PPARD: variants seen among roughly 807,000 people sequenced by gnomAD.
PPARD encodes the protein peroxisome proliferator-activated receptor delta.
Under a neutral mutation model 39.5 loss-of-function variants are expected in PPARD, and 6 were observed. The observed-to-expected ratio is 0.15, with a 90% CI of 0.08 to 0.30. PPARD has a LOEUF of 0.30. Ranked by LOEUF, PPARD falls within the 10% of genes least tolerant of loss-of-function variation. The pLI is 1.00. For synonymous variants in PPARD, 210 were observed against 231.3 expected (o/e 0.91, Z 0.83); for missense variants, 397 against 596.8 (o/e 0.67, Z 3.49).
At chr6:35,360,929 TG>T (rs1461662085) in intron 2 of PPARD, among the ~76,000 whole-genome samples, 8 of 135,978 alleles carry the variant, frequency 5.9e-5, no homozygotes, top group African/African-American at 3.0e-4. Context: ...CTCTGGGAAC[TG>T]TGCCCATCTG....
At position 35,401,307 on chromosome 6, in the gene PPARD, A is replaced by G. The variant is rs9470015; in HGVS notation, c.-101-9680A>G. ...TTCCCCTCCTGCCGACTCCCTTGCC[A>G]GGTTTGCTGTAACTATTGCTCCTCC... On this transcript the variant is annotated intron_variant, in intron 2 of 7. Transcript: ENST00000360694. The surrounding 1 kb of genome is among the most constrained non-coding windows in gnomAD (Gnocchi z 4.1). Among the ~76,000 whole-genome samples, 129,495 of 152,076 alleles carry G rather than the reference A, an allele frequency of 0.85. 55,276 individuals carry two copies. The highest frequency in any genetic ancestry group is 0.89 in the African/African-American group (36,990 of 41,472).
intron 2 of PPARD, among the ~76,000 whole-genome samples, chr6:35,398,469 G>A (rs1163427371): frequency 6.6e-6 from 1 of 152,230 alleles, no homozygotes; most frequent in Non-Finnish European, 1.5e-5. Context: ...TTAGGCTTGT[G>A]CTGCCATTGG....
At chr6:35,397,519 G>A in intron 2 of PPARD, 3 of 985,200 alleles carry the variant, frequency 3.0e-6, no homozygotes, top group Non-Finnish European at 1.2e-6. Context: ...GTCTGGAGTG[G>A]TCTGGAAAGC....
chr6:35,417,190 G>A (rs1765827829), intron 3 of PPARD, among the ~76,000 whole-genome samples: 1 of 151,858 alleles, frequency 6.6e-6, no homozygotes, highest in Admixed American at 6.6e-5. Context: ...TAGAGATAGA[G>A]ACAGGGTCTC....
chr6:35,392,325 G>A (rs1764058459), intron 2 of PPARD, among the ~76,000 whole-genome samples: 1 of 152,222 alleles, frequency 6.6e-6, no homozygotes, highest in East Asian at 1.9e-4. Flanking sequence ...TGTCCTGCAA[G>A]CTGGGAGGCG....
rs529863580 is a variant in PPARD, at chr6:35,425,770, G to A, written c.1079-62G>A. Reference sequence around the variant, plus strand: ...TCCCCTGGGCCAAGTCACCTCTTGGGGTGGAAGTAGGGGAGCTCCACTGCC... The same window carrying A: ...TCCCCTGGGCCAAGTCACCTCTTGGAGTGGAAGTAGGGGAGCTCCACTGCC... On this transcript the variant is annotated intron_variant, in intron 7 of 7. Transcript: ENST00000360694. This position sits in a 1 kb window ranked among gnomAD's most constrained non-coding sequence, Gnocchi z 4.5. 3.0e-5 allele frequency: 48 copies of A among 1,587,518 alleles called. 1 individual carries two copies. The South Asian group carries it at 5.2e-4, about 17-fold the overall frequency.
intron 1 of PPARD, among the ~76,000 whole-genome samples, chr6:35,343,533 G>A (rs1233602048): frequency 6.6e-6 from 1 of 152,196 alleles, no homozygotes; most frequent in Non-Finnish European, 1.5e-5. Context: ...TAACCATGGG[G>A]TGGGGGTGGA....
At chr6:35,367,869 C>T (rs1389513068) in intron 2 of PPARD, among the ~76,000 whole-genome samples, 1 of 152,230 alleles carries the variant, frequency 6.6e-6, no homozygotes, top group Non-Finnish European at 1.5e-5. Context: ...TTCTATTGGT[C>T]AGAGCTGTCA....
chr6:35,370,537 T>C (rs1468849746), intron 2 of PPARD, among the ~76,000 whole-genome samples: 2 of 152,228 alleles, frequency 1.3e-5, no homozygotes, highest in Non-Finnish European at 2.9e-5. Context: ...TGCCCCCATC[T>C]GAGGGTGGTG....
At chr6:35,417,687 A>G (rs915675317) in intron 3 of PPARD, among the ~76,000 whole-genome samples, 7 of 152,006 alleles carry the variant, frequency 4.6e-5, no homozygotes, top group Admixed American at 2.6e-4. Flanking sequence ...ATGTGCCACC[A>G]CGCCCAGCTA....
At chr6:35,397,337 C>A (rs913071946) in intron 2 of PPARD, among the ~76,000 whole-genome samples, 3 of 152,116 alleles carry the variant, frequency 2.0e-5, no homozygotes, top group Admixed American at 6.5e-5. Flanking sequence ...GAAGCCCCCC[C>A]TCCCGCAACC....
chr6:35,424,225 C>G lies in PPARD; in HGVS notation c.627+77C>G. 6.3e-7 allele frequency: 1 copy of G among 1,588,500 alleles called. No homozygotes were observed. The highest frequency in any genetic ancestry group is 1.1e-5 in the South Asian group (1 of 88,656). ...TGCCGCCTGCCTGACTCCGGGAGAG[C>G]CAGGCCTTCTCCCTCCCTCAACTTC... On this transcript the variant is annotated intron_variant, in intron 6 of 7. Transcript: ENST00000360694. This position sits in a 1 kb window ranked among gnomAD's most constrained non-coding sequence, Gnocchi z 7.1.
intron 2 of PPARD, among the ~76,000 whole-genome samples, chr6:35,402,705 A>G (rs1764783317): frequency 6.6e-6 from 1 of 152,314 alleles, no homozygotes; most frequent in Middle Eastern, 3.4e-3. Context: ...CTGGCCAGCT[A>G]GAAGGCCACC....
At chr6:35,354,643 A>G (rs1761465221) in intron 2 of PPARD, among the ~76,000 whole-genome samples, 1 of 152,136 alleles carries the variant, frequency 6.6e-6, no homozygotes, top group African/African-American at 2.4e-5. Flanking sequence ...ACAGTATTCA[A>G]TTACATGAGA....
intron 2 of PPARD, among the ~76,000 whole-genome samples, chr6:35,371,201 C>T (rs958597730): frequency 5.9e-5 from 9 of 152,172 alleles, no homozygotes; most frequent in African/African-American, 2.2e-4. Context: ...GGGAATGATG[C>T]AGAAGAAAGA....
rs146615729 is a variant in PPARD, at chr6:35,373,540, C to T, written c.-102+26390C>T. On this transcript the variant is annotated intron_variant, in intron 2 of 7. Transcript: ENST00000360694. ...GTAACATGATTGTACCCCTAAACTGCACAGAGGAGCTTTCTGTTCTTTGAA... is the reference window on the plus strand; with the variant it reads ...GTAACATGATTGTACCCCTAAACTGTACAGAGGAGCTTTCTGTTCTTTGAA... Among the ~76,000 whole-genome samples, 411 of 152,296 alleles carry T rather than the reference C, an allele frequency of 2.7e-3. 2 individuals carry two copies. The highest frequency in any genetic ancestry group is 9.4e-3 in the African/African-American group (391 of 41,552).
intron 4 of PPARD, among the ~76,000 whole-genome samples, chr6:35,421,252 T>C (rs1244408412): frequency 6.6e-6 from 1 of 151,328 alleles, no homozygotes; most frequent in African/African-American, 2.4e-5. Flanking sequence ...CGTGAGCCAC[T>C]GTGTCCAGCC....
intron 2 of PPARD, among the ~76,000 whole-genome samples, chr6:35,386,214 C>G (rs1212165870): frequency 6.6e-6 from 1 of 151,676 alleles, no homozygotes; most frequent in Non-Finnish European, 1.5e-5. Flanking sequence ...GGTGGTGGTT[C>G]TAATGCTTTG....
chr6:35,347,136 A>G lies in PPARD; in HGVS notation c.-116A>G. 1 of 1,536,158 alleles carries G rather than the reference A, an allele frequency of 6.5e-7. No individual in the cohort carries two copies. Among genetic ancestry groups the G allele is most frequent in the Non-Finnish European group, 8.7e-7 (1 of 1,146,904 alleles). On this transcript the variant is annotated 5_prime_UTR_variant, in exon 2 of 8. Coordinates refer to ENST00000360694, the MANE Select transcript of PPARD (RefSeq NM_006238.5). The stretch of plus-strand genomic sequence containing the variant: ...CTTCTGCTCACCAACAGATGAAGAC[A>G]GATGCACCAACGAGGTAATCCCATT...
Sources: gnomAD v4.1 joint callset for allele counts (sites outside exome capture counted in the v4.1 genomes callset) on GRCh38, gnomAD v4.1.1 for gene constraint, Gnocchi (gnomAD v3.1) non-coding constraint, MANE v1.5 for transcripts, NCBI Gene and HGNC (gene_info 2026-07-23, HGNC 2026-07-21) for gene names.